The following SETD2 variants were observed in gnomAD, a reference collection of about 807,000 sequenced individuals.
SETD2 encodes the protein SET domain containing 2, histone lysine methyltransferase.
In SETD2, 31 loss-of-function variants were observed where a neutral mutation model predicts 242.1. That is an observed-to-expected ratio of 0.13 (90% CI 0.10 to 0.17). The LOEUF is 0.17. SETD2 is among the 10% of genes least tolerant of loss of function. The pLI is 1.00. For synonymous variants in SETD2, 1,006 were observed against 1,066.5 expected, an observed-to-expected ratio of 0.94 and a Z score of 1.11; for missense variants, 2,481 against 3,046.3, an observed-to-expected ratio of 0.81 and a Z score of 4.37.
In SETD2 at chr3:47,120,259, T is replaced by A. The variant is rs1037309257; in HGVS notation, c.4377A>T (p.Arg1459=). 5.0e-6 allele frequency: 8 copies of A among 1,605,864 alleles called. No individual in the cohort carries two copies. The highest frequency in any genetic ancestry group is 6.8e-6 in the Non-Finnish European group (8 of 1,177,156). The change falls in exon 3 of 21, where the codon CGA becomes CGT. Residue 1459 remains arginine, a synonymous_variant. Transcript: ENST00000409792. ...TCCCTTGCTTGGCACATTCCTTCCATCGCTGTGGGTCCCTGAAGTCATCCA... is the reference window on the plus strand; with the variant it reads ...TCCCTTGCTTGGCACATTCCTTCCAACGCTGTGGGTCCCTGAAGTCATCCA... The part of the protein sequence containing the change: ...CVMDDFRDPQ[R]WKECAKQGKM...
At chr3:47,144,196 A>C (rs1310554246) in intron 1 of SETD2, among the ~76,000 whole-genome samples, 3 of 152,178 alleles carry the variant, frequency 2.0e-5, no homozygotes, top group Non-Finnish European at 1.5e-5. Context: ...GAAACAACAC[A>C]GGGCAAAATA....
chr3:47,122,309 T>G lies in SETD2; in HGVS notation c.2327A>C (p.Lys776Thr), dbSNP rs371122735. 13 of 1,614,202 alleles carry G rather than the reference T, an allele frequency of 8.1e-6. No homozygotes were observed. Among genetic ancestry groups the G allele is most frequent in the Non-Finnish European group, 1.1e-5 (13 of 1,180,020 alleles). ...MTVDYSKTVV[K>T]EPVDTRVSCC... ...AGAAACCCTCGTATCAACTGGTTCT[T>G]TAACTACTGTTTTGGAATAATCCAC... Residue 776 changes from lysine to threonine, a missense_variant, in exon 3 of 21, where the codon AAA (lysine) becomes ACA (threonine). Physicochemically the swap from Lys to Thr is moderately conservative, Grantham distance 78. Transcript: ENST00000409792.
intron 1 of SETD2, among the ~76,000 whole-genome samples, chr3:47,160,551 C>G (rs140460392): frequency 1.1e-4 from 17 of 151,708 alleles, no homozygotes; most frequent in Non-Finnish European, 2.4e-4. Flanking sequence ...CTCAGGTGAT[C>G]CACCCACCTC....
intron 3 of SETD2, chr3:47,119,656 TTC>T (rs1214547886): frequency 2.9e-6 from 1 of 345,496 alleles, no homozygotes; most frequent in African/African-American, 2.2e-5. Context: ...CCTGCCGCAA[TTC>T]TGAGGCCTCC....
intron 18 of SETD2, among the ~76,000 whole-genome samples, chr3:47,035,453 T>C (rs923535810): frequency 6.6e-6 from 1 of 152,246 alleles, no homozygotes; most frequent in African/African-American, 2.4e-5. Flanking sequence ...GCACATAAGC[T>C]GCCCTTTTAC....
intron 12 of SETD2, among the ~76,000 whole-genome samples, chr3:47,069,812 T>G (rs927326692): frequency 6.6e-6 from 1 of 152,342 alleles, no homozygotes; most frequent in East Asian, 1.9e-4. Flanking sequence ...CTTAGTTCTG[T>G]GTGTCTTACT....
At chr3:47,102,571 G>A (rs753444687) in intron 7 of SETD2, among the ~76,000 whole-genome samples, 1 of 151,996 alleles carries the variant, frequency 6.6e-6, no homozygotes, top group Non-Finnish European at 1.5e-5. Context: ...GGGGTGGATC[G>A]CTTGAGGCCA....
intron 6 of SETD2, among the ~76,000 whole-genome samples, chr3:47,105,404 T>A (rs1454470004): frequency 1.0e-5 from 1 of 98,866 alleles, no homozygotes; most frequent in East Asian, 3.1e-4. Context: ...AGCAAGACAC[T>A]ATCTCTAAAA....
At chr3:47,025,789 G>C (rs2038447558) in intron 18 of SETD2, among the ~76,000 whole-genome samples, 1 of 152,086 alleles carries the variant, frequency 6.6e-6, no homozygotes, top group Non-Finnish European at 1.5e-5. Flanking sequence ...TTCTACTATA[G>C]CAATTACCCC....
intron 18 of SETD2, among the ~76,000 whole-genome samples, chr3:47,036,967 A>C (rs1218399155): frequency 1.3e-5 from 2 of 149,976 alleles, no homozygotes; most frequent in Admixed American, 1.3e-4. Context: ...GGGTGTTTTG[A>C]ACACCCATCA....
At chr3:47,162,606 C>T (rs1477958315) in intron 1 of SETD2, among the ~76,000 whole-genome samples, 1 of 152,124 alleles carries the variant, frequency 6.6e-6, no homozygotes, top group East Asian at 1.9e-4. Context: ...CATTTCTGGA[C>T]CAATGTGAGA....
chr3:47,105,774 G>A (rs753723923), intron 6 of SETD2: 7 of 468,898 alleles, frequency 1.5e-5, no homozygotes, highest in Non-Finnish European at 2.8e-5. Context: ...GTGGTGGCGG[G>A]CGCCTGTAAT....
intron 1 of SETD2, among the ~76,000 whole-genome samples, chr3:47,133,578 C>A (rs1028998794): frequency 1.3e-5 from 2 of 151,854 alleles, no homozygotes; most frequent in African/African-American, 4.8e-5. Context: ...ACTAAAAATA[C>A]AAAAATTAGC....
At chr3:47,114,072 ATG>A in intron 4 of SETD2, 68 bp from the exon 5 acceptor site, 1 of 1,499,378 alleles carries the variant, frequency 6.7e-7, no homozygotes, top group South Asian at 1.2e-5. Context: ...CTTTGAAAAA[ATG>A]TGTTAGTATA....
intron 5 of SETD2, among the ~76,000 whole-genome samples, chr3:47,106,806 C>T (rs547287367): frequency 1.7e-4 from 21 of 120,920 alleles, no homozygotes; most frequent in African/African-American, 3.3e-4. Flanking sequence ...AGTGAGACTC[C>T]GTCTCAAAAA....
chr3:47,023,658 T>C (rs1402153630), intron 18 of SETD2, among the ~76,000 whole-genome samples: 3 of 152,058 alleles, frequency 2.0e-5, no homozygotes, highest in African/African-American at 4.8e-5. Flanking sequence ...ATAGAAAATA[T>C]TGAAAAAAAA....
chr3:47,098,281 T>C (rs2042082228), intron 8 of SETD2, 200 bp from the exon 9 acceptor site: 1 of 400,424 alleles, frequency 2.5e-6, no homozygotes, highest in South Asian at 4.8e-5. Context: ...ATTTTTCCAA[T>C]CATCTTTCTT....
intron 9 of SETD2, 35 bp downstream of exon 9, chr3:47,097,920 T>C: frequency 6.2e-7 from 1 of 1,607,404 alleles, no homozygotes; most frequent in Non-Finnish European, 8.5e-7. Context: ...TTTAAATTTT[T>C]TATTGTGAAA....
intron 16 of SETD2, 38 bp from the exon 17 acceptor site, chr3:47,042,738 C>T (rs2107540394): frequency 6.4e-7 from 1 of 1,551,760 alleles, no homozygotes; most frequent in South Asian, 1.3e-5. Context: ...TCAGTGATCT[C>T]TCTCTTAATC....
Sources: gnomAD v4.1 joint callset for allele counts (sites outside exome capture counted in the v4.1 genomes callset) on GRCh38, gnomAD v4.1.1 for gene constraint, MANE v1.5 for transcripts, NCBI Gene and HGNC (gene_info 2026-07-23, HGNC 2026-07-21) for gene names.